Variants in AGBL1 observed in about 807,000 individuals in gnomAD.
AGBL1 encodes cytosolic carboxypeptidase 4.
In AGBL1, 130 loss-of-function variants were observed where a neutral mutation model predicts 118.9. The observed-to-expected ratio is 1.09, with a 90% CI of 0.95 to 1.26. AGBL1 has a LOEUF of 1.26. AGBL1 is among the 50% of genes most tolerant of loss of function. The probability of loss-of-function intolerance (pLI) is 0.00; values close to 1 mark genes in which losing one functional copy is unlikely to be tolerated. For missense variants in AGBL1, 1,584 were observed against 1,298.1 expected (o/e 1.22, Z -3.38); for synonymous variants, 555 against 478.9 (o/e 1.16, Z -2.08).
intron 22 of AGBL1, among the ~76,000 whole-genome samples, chr15:86,893,779 G>A (rs576503691): frequency 1.3e-5 from 2 of 152,284 alleles, no homozygotes; most frequent in African/African-American, 4.8e-5. Flanking sequence ...ATTCAGTCGA[G>A]TGACTATGTG....
intron 21 of AGBL1, among the ~76,000 whole-genome samples, chr15:86,618,845 C>A (rs2084766209): frequency 6.6e-6 from 1 of 152,142 alleles, no homozygotes; most frequent in Non-Finnish European, 1.5e-5. Flanking sequence ...ATCCTGCTGT[C>A]TCAGGCACAT....
intron 11 of AGBL1, among the ~76,000 whole-genome samples, chr15:86,265,692 C>G (rs75410448): frequency 0.017 from 2,603 of 152,266 alleles, 85 homozygotes; most frequent in African/African-American, 0.06. Flanking sequence ...AGAAACAGAT[C>G]ACAAGGGCTG....
intron 1 of AGBL1, among the ~76,000 whole-genome samples, chr15:86,090,072 A>C (rs1895921219): frequency 6.6e-6 from 1 of 152,202 alleles, no homozygotes; most frequent in African/African-American, 2.4e-5. Flanking sequence ...CTTCTCTTAC[A>C]TAACCTCACA....
intron 16 of AGBL1, among the ~76,000 whole-genome samples, chr15:86,292,812 T>C (rs2079568424): frequency 6.6e-6 from 1 of 152,200 alleles, no homozygotes; most frequent in Admixed American, 6.5e-5. Context: ...ATGCTTTCTA[T>C]TGAAGAGTTG....
chr15:86,522,888 C>A lies in AGBL1; in HGVS notation c.2634C>A (p.Tyr878Ter). 2 of 1,613,960 alleles carry A rather than the reference C, an allele frequency of 1.2e-6. No homozygotes were observed. Among genetic ancestry groups the A allele is most frequent in the East Asian group, 4.5e-5 (2 of 44,876 alleles). The change falls in exon 19 of 23, where the codon TAC becomes TAA. Residue 878 changes from tyrosine (Y) to a stop codon, truncating the protein, a stop_gained. Coordinates refer to ENST00000614907, the MANE Select transcript of AGBL1 (RefSeq NM_001386094.1). LOFTEE classifies it high-confidence loss of function. ...GTGCTCATCTGCAGCCAACCATTTA[C>A]CATGCCAAAGGCCTCCTCTACCACC... ...SPSAHLQPTI[Y>*]HAKGLLYHLS...
chr15:86,707,710 T>G (rs939001048), intron 22 of AGBL1, among the ~76,000 whole-genome samples: 1 of 152,172 alleles, frequency 6.6e-6, no homozygotes, highest in Non-Finnish European at 1.5e-5. Flanking sequence ...GAAGCAACAT[T>G]GCATAAGGAG....
At chr15:86,251,898 A>G (rs2078822089) in intron 7 of AGBL1, among the ~76,000 whole-genome samples, 1 of 152,222 alleles carries the variant, frequency 6.6e-6, no homozygotes, top group Non-Finnish European at 1.5e-5. Context: ...AGGTAACTGC[A>G]GAAGGAACAA....
chr15:86,773,522 G>A (rs1183814186), intron 22 of AGBL1, among the ~76,000 whole-genome samples: 1 of 120,114 alleles, frequency 8.3e-6, no homozygotes, highest in Non-Finnish European at 1.6e-5. Flanking sequence ...CCCACAACAG[G>A]CCCTGGTGTG....
chr15:86,318,404 TA>T (rs199571190), intron 17 of AGBL1, among the ~76,000 whole-genome samples: 2,877 of 152,088 alleles, frequency 0.019, 105 homozygotes, highest in African/African-American at 0.064. Flanking sequence ...AAATATTTCA[TA>T]AAAAAAACTT....
intron 18 of AGBL1, among the ~76,000 whole-genome samples, chr15:86,398,934 T>C (rs917852326): frequency 2.0e-5 from 3 of 152,134 alleles, no homozygotes; most frequent in Admixed American, 2.0e-4. Flanking sequence ...AAGACACCCA[T>C]GTACCCATGT....
intron 21 of AGBL1, among the ~76,000 whole-genome samples, chr15:86,611,820 A>T (rs1340522618): frequency 6.6e-6 from 1 of 152,184 alleles, no homozygotes; most frequent in East Asian, 1.9e-4. Flanking sequence ...AAAAAACCTC[A>T]GAGGCGGAAG....
chr15:86,472,606 T>C (rs2082493453), intron 18 of AGBL1, among the ~76,000 whole-genome samples: 1 of 152,198 alleles, frequency 6.6e-6, no homozygotes, highest in Non-Finnish European at 1.5e-5. Flanking sequence ...TTGGAGAACA[T>C]TTAAAAAATA....
At chr15:86,906,951 T>C (rs1398587464) in intron 22 of AGBL1, 136 bp from the exon 23 acceptor site, 11 of 152,300 alleles carry the variant, frequency 7.2e-5, no homozygotes, top group Admixed American at 7.2e-4. Context: ...TTCCCTTTTT[T>C]GGCTAATTTC....
intron 9 of AGBL1, 30 bp from the exon 10 acceptor site, chr15:86,262,748 G>A (rs2079012791): frequency 1.4e-6 from 2 of 1,456,674 alleles, no homozygotes; most frequent in Admixed American, 1.8e-5. Context: ...TTTCCTGACT[G>A]TAATCTCTTC....
At chr15:86,879,828 C>G (rs952645688) in intron 22 of AGBL1, among the ~76,000 whole-genome samples, 1 of 152,122 alleles carries the variant, frequency 6.6e-6, no homozygotes, top group Non-Finnish European at 1.5e-5. Flanking sequence ...CTCTGGGCAG[C>G]AGCCACATCA....
chr15:86,857,874 G>T (rs1048117973), intron 22 of AGBL1, among the ~76,000 whole-genome samples: 1 of 152,020 alleles, frequency 6.6e-6, no homozygotes, highest in Non-Finnish European at 1.5e-5. Context: ...TTTCTCTTTG[G>T]TGTCTTCTGC....
chr15:86,230,478 G>T (rs1211429564), intron 6 of AGBL1, among the ~76,000 whole-genome samples: 1 of 152,222 alleles, frequency 6.6e-6, no homozygotes, highest in Non-Finnish European at 1.5e-5. Flanking sequence ...GATCAATGCA[G>T]CTGTCACTGA....
intron 5 of AGBL1, among the ~76,000 whole-genome samples, chr15:86,200,483 T>C (rs2077885514): frequency 6.6e-6 from 1 of 152,138 alleles, no homozygotes; most frequent in Non-Finnish European, 1.5e-5. Context: ...TGCTTTATTG[T>C]TTAAAGGTGT....
chr15:86,402,548 C>T (rs1283248407), intron 18 of AGBL1, among the ~76,000 whole-genome samples: 1 of 152,076 alleles, frequency 6.6e-6, no homozygotes, highest in African/African-American at 2.4e-5. Context: ...AAGAAATGTC[C>T]TGTGTGTTGT....
Sources: allele counts gnomAD v4.1 joint callset (sites outside exome capture counted in the v4.1 genomes callset), GRCh38; gene constraint gnomAD v4.1.1; transcripts MANE v1.5; gene names NCBI Gene and HGNC (gene_info 2026-07-23, HGNC 2026-07-21).